The following DSC1 variants were observed in gnomAD, a reference collection of about 807,000 sequenced individuals.
The protein encoded by DSC1 is desmocollin-1.
In DSC1, 79 loss-of-function variants were observed where a neutral mutation model predicts 98.8. The ratio of observed to expected loss-of-function variants is 0.80; its 90% CI spans 0.67 to 0.96. DSC1 has a LOEUF of 0.96. Among genes scored for constraint, DSC1 ranks in the 50% least tolerant of loss-of-function variants. The probability of loss-of-function intolerance (pLI) is 0.00; values close to 1 mark genes in which losing one functional copy is unlikely to be tolerated. For missense variants in DSC1, 1,115 were observed against 1,075.9 expected (o/e 1.04, Z -0.51); for synonymous variants, 405 against 372.1 (o/e 1.09, Z -1.02).
Position 31,129,680 on chromosome 18 carries a change from A to G in DSC1, c.*834T>C, listed in dbSNP as rs1163746112. The G allele has an allele frequency of 6.6e-6, 1 of 152,170 alleles. No homozygotes were observed. Among genetic ancestry groups the G allele is most frequent in the Non-Finnish European group, 1.5e-5 (1 of 68,036 alleles). 9.4% of individuals were successfully genotyped at this position (152,170 alleles called of 1,614,324 possible). The stretch of plus-strand genomic sequence containing the variant: ...CAAGAGTGAATGTTTTTGCTAAAGT[A>G]TTTATATTTTTAAAATGTTAGTAGT... On this transcript the variant is annotated 3_prime_UTR_variant, in exon 16 of 16. Coordinates refer to ENST00000257198, the MANE Select transcript of DSC1 (RefSeq NM_024421.2).
intron 6 of DSC1, among the ~76,000 whole-genome samples, chr18:31,147,649 G>A (rs949306466): frequency 6.6e-6 from 1 of 151,964 alleles, no homozygotes; most frequent in Non-Finnish European, 1.5e-5. Flanking sequence ...CATCCTAAAC[G>A]CTGGTTACAA....
In DSC1 at chr18:31,133,898, CA is replaced by C. The variant is rs752492304; in HGVS notation, c.2108del (p.Leu703CysfsTer26). 1 of 1,610,674 alleles carries C rather than the reference CA, an allele frequency of 6.2e-7. No homozygotes were observed. Among genetic ancestry groups the C allele is most frequent in the Non-Finnish European group, 8.5e-7 (1 of 1,178,238 alleles). On this transcript the variant is annotated frameshift_variant, in exon 13 of 16. Coordinates refer to ENST00000257198, the MANE Select transcript of DSC1 (RefSeq NM_024421.2). LOFTEE classifies it high-confidence loss of function. ...GATACTTAATATACTTACATAATAACAATACAGAACCCAACACCATAGCAAG... is the reference window on the plus strand; with the variant it reads ...GATACTTAATATACTTACATAATAACATACAGAACCCAACACCATAGCAAG... Reference protein sequence around the residue: ...AILAMVLGSVLLLCILFTCFC... With the variant: ...AILAMVLGSVXLLCILFTCFC...
Position 31,129,569 on chromosome 18 carries a change from T to A in DSC1, c.*945A>T, listed in dbSNP as rs536515861. ...AGGTGCTAGTCTCTGTATATCAGAGTTGCAGCCTAATGCATCAGGGCTAGT... is the reference window on the plus strand; with the variant it reads ...AGGTGCTAGTCTCTGTATATCAGAGATGCAGCCTAATGCATCAGGGCTAGT... On this transcript the variant is annotated 3_prime_UTR_variant, in exon 16 of 16. Coordinates refer to ENST00000257198, the MANE Select transcript of DSC1 (RefSeq NM_024421.2). 1 of 152,048 alleles carries A rather than the reference T, an allele frequency of 6.6e-6. No individual in the cohort carries two copies. The highest frequency in any genetic ancestry group is 1.5e-5 in the Non-Finnish European group (1 of 68,018). 9.4% of individuals were successfully genotyped at this position (152,048 alleles called of 1,614,324 possible).
intron 9 of DSC1, among the ~76,000 whole-genome samples, chr18:31,141,243 A>G (rs78187255): frequency 0.27 from 41,250 of 151,846 alleles, 6,365 homozygotes; most frequent in East Asian, 0.52. Flanking sequence ...AAAAAACCTA[A>G]GAACAAGAAA....
At chr18:31,141,933 A>G in intron 9 of DSC1, 66 bp downstream of exon 9, 5 of 1,464,742 alleles carry the variant, frequency 3.4e-6, no homozygotes, top group East Asian at 2.3e-5. Flanking sequence ...TATAAGAATT[A>G]TCTCTTAAAA....
rs1481273022 is a variant in DSC1 at position 31,132,643 on chromosome 18, C to A, written c.2163G>T (p.Lys721Asn). Residue 721 changes from lysine (K) to asparagine (N), a missense_variant, in exon 14 of 16, where the codon AAG (lysine) becomes AAT (asparagine). Coordinates refer to ENST00000257198, the MANE Select transcript of DSC1 (RefSeq NM_024421.2). ...GGGCTATGTCTTCTGGAAAACATTT[C>A]TTGACTGTTCTCTTAGCAGTGACAC... The part of the protein sequence containing the change: ...CFCVTAKRTV[K>N]KCFPEDIAQQ... The A allele has an allele frequency of 1.2e-6, 2 of 1,613,444 alleles. No individual in the cohort carries two copies. The highest frequency in any genetic ancestry group is 8.5e-7 in the Non-Finnish European group (1 of 1,179,644).
chr18:31,139,852 AT>A lies in DSC1; in HGVS notation c.1558del (p.Ile520LeufsTer8), dbSNP rs1341392678. Reference sequence around the variant, plus strand: ...TCTCAAGTCGCCAGTGTGTTGATTAATTTCAAACCAGTTATCTTCATCCCCT... The same window carrying A: ...TCTCAAGTCGCCAGTGTGTTGATTAATTCAAACCAGTTATCTTCATCCCCT... The part of the protein sequence containing the change: ...KLGDEDNWFE[I>X]NQHTGDLRTL... On this transcript the variant is annotated frameshift_variant, in exon 11 of 16. Coordinates refer to ENST00000257198, the MANE Select transcript of DSC1 (RefSeq NM_024421.2). LOFTEE classifies it high-confidence loss of function. 1 of 1,610,232 alleles carries A rather than the reference AT, an allele frequency of 6.2e-7. No individual in the cohort carries two copies. The highest frequency in any genetic ancestry group is 1.3e-5 in the African/African-American group (1 of 74,646).
Position 31,145,794 on chromosome 18 carries a change from A to G in DSC1, c.773-17T>C. On this transcript the variant is annotated splice_polypyrimidine_tract_variant and intron_variant, in intron 6 of 15. Transcript: ENST00000257198. ...CTGAAGTTCCTGTTTAGATAAATCCAAAAGTGTCAAAAATTTCTACTCATA... is the reference window on the plus strand; with the variant it reads ...CTGAAGTTCCTGTTTAGATAAATCCGAAAGTGTCAAAAATTTCTACTCATA... 4.4e-6 allele frequency: 7 copies of G among 1,597,346 alleles called. No homozygotes were observed. Among genetic ancestry groups the G allele is most frequent in the Non-Finnish European group, 6.0e-6 (7 of 1,174,042 alleles).
Position 31,162,603 on chromosome 18 carries a change from G to A in DSC1, c.-9C>T, listed in dbSNP as rs1403292415. The A allele has an allele frequency of 2.5e-6, 4 of 1,614,064 alleles. No individual in the cohort carries two copies. In the African/African-American group the frequency reaches 4.0e-5, roughly 16 times the overall value. On this transcript the variant is annotated 5_prime_UTR_variant, in exon 1 of 16. Transcript: ENST00000257198. ...GCAGAGGCCAGAGCCATCAGAAGCA[G>A]TCCCAATGGCCAGGGACGGTGGCCA...
At chr18:31,146,639 T>C (rs557811497) in intron 6 of DSC1, among the ~76,000 whole-genome samples, 2 of 152,254 alleles carry the variant, frequency 1.3e-5, no homozygotes, top group South Asian at 4.1e-4. Flanking sequence ...TAGCTCTGTT[T>C]TTAGTTCTTT....
rs2143941296 is a variant in DSC1 at position 31,162,555 on chromosome 18, T to A, written c.40A>T (p.Lys14Ter). Residue 14 changes from lysine (K) to a stop codon, truncating the protein, a stop_gained, in exon 1 of 16, where the codon AAG becomes TAG. Coordinates refer to ENST00000257198, the MANE Select transcript of DSC1 (RefSeq NM_024421.2). LOFTEE classifies it high-confidence loss of function. ...ACCAGGAGAGAGAAAAGGAGCTGCT[T>A]ACAGAAGATGCTCCCTGGGGCAGCA... ...ASAAPGSIFC[K>*]QLLFSLLVLT... 1 of 1,614,132 alleles carries A rather than the reference T, an allele frequency of 6.2e-7. No individual in the cohort carries two copies. Among genetic ancestry groups the A allele is most frequent in the South Asian group, 1.1e-5 (1 of 91,082 alleles).
chr18:31,143,825 C>T (rs1598620272), intron 7 of DSC1, 34 bp from the exon 8 acceptor site: 2 of 1,493,100 alleles, frequency 1.3e-6, no homozygotes, highest in African/African-American at 1.4e-5. Context: ...TTAATGAACA[C>T]TTTTATTTCC....
At chr18:31,144,304 T>C (rs1988797129) in intron 7 of DSC1, among the ~76,000 whole-genome samples, 1 of 152,192 alleles carries the variant, frequency 6.6e-6, no homozygotes, top group Non-Finnish European at 1.5e-5. Context: ...ATGTGTCTAA[T>C]GTAACATTTT....
chr18:31,130,893 A>T, intron 15 of DSC1, 182 bp from the exon 16 acceptor site: 1 of 1,497,592 alleles, frequency 6.7e-7, no homozygotes, highest in Non-Finnish European at 9.0e-7. Context: ...CTTAAAATAT[A>T]GCAAATAAAT....
chr18:31,152,390 T>C (rs1326984885), intron 5 of DSC1, among the ~76,000 whole-genome samples: 2 of 152,168 alleles, frequency 1.3e-5, no homozygotes, highest in Admixed American at 6.5e-5. Flanking sequence ...ATTAGACCTA[T>C]GGCTACTACT....
Position 31,132,557 on chromosome 18 carries a change from A to T in DSC1, c.2238+11T>A. ...ACCGTACAATTCAAAGGGATGTGAA[A>T]TCTGATTTACCGTTACTTCTTCTCC... is the stretch of plus-strand genomic sequence containing the variant. On this transcript the variant is annotated intron_variant, in intron 14 of 15. Coordinates refer to ENST00000257198, the MANE Select transcript of DSC1 (RefSeq NM_024421.2). 1 of 1,612,420 alleles carries T rather than the reference A, an allele frequency of 6.2e-7. No individual in the cohort carries two copies. Among genetic ancestry groups the T allele is most frequent in the Non-Finnish European group, 8.5e-7 (1 of 1,179,106 alleles).
intron 15 of DSC1, among the ~76,000 whole-genome samples, chr18:31,131,241 C>A (rs932258688): frequency 6.6e-6 from 1 of 152,136 alleles, no homozygotes; most frequent in Non-Finnish European, 1.5e-5. Flanking sequence ...AGAACTCAAG[C>A]ACACTGAGAA....
intron 7 of DSC1, 22 bp from the exon 8 acceptor site, chr18:31,143,813 C>T: frequency 1.3e-6 from 2 of 1,530,952 alleles, no homozygotes; most frequent in Non-Finnish European, 1.8e-6. Context: ...GAAAAAACTA[C>T]ATTAATGAAC....
At chr18:31,139,373 G>A (rs1364133322) in intron 11 of DSC1, among the ~76,000 whole-genome samples, 1 of 152,056 alleles carries the variant, frequency 6.6e-6, no homozygotes, top group East Asian at 1.9e-4. Flanking sequence ...CTTTCAGCAA[G>A]CTCAAATCAT....
Sources: allele counts gnomAD v4.1 joint callset (sites outside exome capture counted in the v4.1 genomes callset), GRCh38; gene constraint gnomAD v4.1.1; transcripts MANE v1.5; gene names NCBI Gene and HGNC (gene_info 2026-07-23, HGNC 2026-07-21).